Variants in TASP1 observed in about 807,000 individuals in gnomAD.
TASP1 encodes taspase 1.
A neutral mutation model predicts 56.6 loss-of-function variants in TASP1; 16 were observed. The observed-to-expected ratio is 0.28, with a 90% CI of 0.19 to 0.43. The LOEUF is 0.43. Ranked by LOEUF, TASP1 falls within the 20% of genes least tolerant of loss-of-function variation. TASP1 has a pLI of 1.00. For missense variants in TASP1, 393 were observed against 511.6 expected (o/e 0.77, Z 2.24); for synonymous variants, 179 against 184.2 (o/e 0.97, Z 0.23).
Position 13,401,546 on chromosome 20 carries a change from T to G in TASP1, c.1171-11094A>C, listed in dbSNP as rs118026908. On this transcript the variant is annotated intron_variant, in intron 13 of 13. Transcript: ENST00000337743. ...AAATAATGTAATAAAAGTTGTTACATCATAAAATCAATGGGGGATTCTCAA... is the reference window on the plus strand; with the variant it reads ...AAATAATGTAATAAAAGTTGTTACAGCATAAAATCAATGGGGGATTCTCAA... Among the ~76,000 whole-genome samples, 688 of 152,298 alleles carry G rather than the reference T, an allele frequency of 4.5e-3. 3 individuals carry two copies. Among genetic ancestry groups the G allele is most frequent in the East Asian group, 0.01 (54 of 5,192 alleles).
intron 11 of TASP1, among the ~76,000 whole-genome samples, chr20:13,481,527 C>T (rs1178704974): frequency 1.3e-5 from 2 of 152,170 alleles, no homozygotes; most frequent in African/African-American, 4.8e-5. Flanking sequence ...TACTAATTTA[C>T]ATTCCCACCA....
downstream of TASP1, among the ~76,000 whole-genome samples, chr20:13,387,763 A>G (rs2041175482): frequency 6.6e-6 from 1 of 152,244 alleles, no homozygotes; most frequent in South Asian, 2.1e-4. Context: ...TGGCTGACGT[A>G]ATTTACATTG....
At chr20:13,572,935 C>T (rs117982095) in intron 6 of TASP1, among the ~76,000 whole-genome samples, 371 of 152,038 alleles carry the variant, frequency 2.4e-3, no homozygotes, top group Non-Finnish European at 4.8e-3. Flanking sequence ...CAGGAACCCC[C>T]GTAATCAAAA....
At chr20:13,120,191 G>A in the TASP1 span, among the ~76,000 whole-genome samples, 3 of 152,156 alleles carry the variant, frequency 2.0e-5, no homozygotes, top group Admixed American at 6.5e-5. Flanking sequence ...TAAGAGTAGA[G>A]TTTTCAAACT....
At chr20:13,594,274 A>G (rs986904904) in intron 4 of TASP1, among the ~76,000 whole-genome samples, 1 of 152,264 alleles carries the variant, frequency 6.6e-6, no homozygotes, top group African/African-American at 2.4e-5. Context: ...ATGAGGAGAA[A>G]CCAGAGCAGA....
At chr20:13,399,629 C>T (rs1351212896) in intron 13 of TASP1, among the ~76,000 whole-genome samples, 1 of 152,214 alleles carries the variant, frequency 6.6e-6, no homozygotes, top group Non-Finnish European at 1.5e-5. Flanking sequence ...TACTTCTCAC[C>T]ACCTGTGTGG....
chr20:13,546,008 T>C (rs942021566), intron 8 of TASP1, among the ~76,000 whole-genome samples: 9 of 152,214 alleles, frequency 5.9e-5, no homozygotes, highest in African/African-American at 1.4e-4. Flanking sequence ...GATGATTTTG[T>C]TCTTCTAACA....
At chr20:13,123,328 C>T in the TASP1 span, among the ~76,000 whole-genome samples, 1 of 126,196 alleles carries the variant, frequency 7.9e-6, no homozygotes, top group South Asian at 2.4e-4. Flanking sequence ...AAGACTCTGT[C>T]TAAAAAAAAA....
intron 12 of TASP1, among the ~76,000 whole-genome samples, chr20:13,429,030 G>T (rs772617897): frequency 3.3e-5 from 5 of 152,148 alleles, no homozygotes; most frequent in Admixed American, 6.5e-5. Context: ...ATTTTCCAGC[G>T]CCTGGAAAGA....
intron 13 of TASP1, among the ~76,000 whole-genome samples, chr20:13,409,091 C>T (rs1478954922): frequency 6.6e-6 from 1 of 151,974 alleles, no homozygotes; most frequent in Non-Finnish European, 1.5e-5. Flanking sequence ...TAAGGACATA[C>T]TTTTCCTTTT....
chr20:13,394,148 G>C (rs532452767), intron 13 of TASP1, among the ~76,000 whole-genome samples: 37 of 151,542 alleles, frequency 2.4e-4, no homozygotes, highest in Non-Finnish European at 5.0e-4. Context: ...GCTGGGTGTG[G>C]TGGTGCATGC....
the TASP1 span, among the ~76,000 whole-genome samples, chr20:13,105,222 G>T: frequency 6.6e-6 from 1 of 151,996 alleles, no homozygotes; most frequent in Non-Finnish European, 1.5e-5. Flanking sequence ...TTCCTGTGTA[G>T]CTTCTGTGAT....
Position 13,587,316 on chromosome 20 carries a change from T to G in TASP1, c.337A>C (p.Ile113Leu). The G allele has an allele frequency of 1.9e-6, 3 of 1,612,884 alleles. No individual in the cohort carries two copies. The highest frequency in any genetic ancestry group is 2.5e-6 in the Non-Finnish European group (3 of 1,179,498). The change falls in exon 5 of 14, where the codon ATT (isoleucine) becomes CTT (leucine). Residue 113 changes from isoleucine to leucine, a missense_variant. Physicochemically the swap from Ile to Leu is conservative, Grantham distance 5. Transcript: ENST00000337743. Reference sequence around the variant, plus strand: ...TCCATTATGCTGGCATCACACTCAATTTCACCTAACAGATTTAGATTAGAT... The same window carrying G: ...TCCATTATGCTGGCATCACACTCAAGTTCACCTAACAGATTTAGATTAGAT... ...MGSNLNLLGE[I>L]ECDASIMDGK... is the part of the protein sequence containing the mutation.
At chr20:13,286,774 C>A in the TASP1 span, among the ~76,000 whole-genome samples, 1 of 152,204 alleles carries the variant, frequency 6.6e-6, no homozygotes, top group East Asian at 1.9e-4. Context: ...AAGGCTGGCA[C>A]GGGCCCACAT....
intron 11 of TASP1, among the ~76,000 whole-genome samples, chr20:13,437,093 G>A (rs1459468535): frequency 1.3e-5 from 2 of 151,974 alleles, no homozygotes; most frequent in East Asian, 1.9e-4. Flanking sequence ...GATGAACATC[G>A]ATGCAAAAAT....
At chr20:13,239,050 C>T in the TASP1 span, 4 of 152,148 alleles carry the variant, frequency 2.6e-5, no homozygotes, top group East Asian at 1.9e-4. Context: ...CATGCAATTC[C>T]GAAGACATCA....
the TASP1 span, among the ~76,000 whole-genome samples, chr20:13,309,605 G>C: frequency 6.6e-6 from 1 of 151,992 alleles, no homozygotes; most frequent in Non-Finnish European, 1.5e-5. Context: ...AGAACAAGTA[G>C]GCAAGAAAAA....
chr20:13,224,149 T>C, the TASP1 span, among the ~76,000 whole-genome samples: 1 of 152,172 alleles, frequency 6.6e-6, no homozygotes, highest in Non-Finnish European at 1.5e-5. Context: ...TCAGCTTATC[T>C]TGTAATAGTG....
chr20:13,213,763 T>A, the TASP1 span, among the ~76,000 whole-genome samples: 1 of 152,096 alleles, frequency 6.6e-6, no homozygotes, highest in African/African-American at 2.4e-5. Flanking sequence ...TTGGGAAAAA[T>A]CTCATCAGGG....
Sources: allele counts gnomAD v4.1 joint callset (sites outside exome capture counted in the v4.1 genomes callset), GRCh38; gene constraint gnomAD v4.1.1; transcripts MANE v1.5; gene names NCBI Gene and HGNC (gene_info 2026-07-23, HGNC 2026-07-21).